Variants in CSGALNACT1 observed in about 807,000 individuals in gnomAD.
CSGALNACT1 encodes beta4GalNAcT-1.
In CSGALNACT1, 52 loss-of-function variants were observed where a neutral mutation model predicts 51.0. The ratio of observed to expected loss-of-function variants is 1.02; its 90% confidence interval spans 0.82 to 1.29. The LOEUF (loss-of-function observed/expected upper bound fraction) is 1.29, where lower values mean the gene tolerates loss of function less well. Among genes scored for constraint, CSGALNACT1 ranks in the 50% most tolerant of loss-of-function variants. The probability of loss-of-function intolerance (pLI) is 0.00; values close to 1 mark genes in which losing one functional copy is unlikely to be tolerated. For synonymous variants in CSGALNACT1, 341 were observed against 254.4 expected (o/e 1.34, Z -3.24); for missense variants, 935 against 679.2 (o/e 1.38, Z -4.19).
At chr8:19,621,502 C>T (rs2053821768) in intron 1 of CSGALNACT1, among the ~76,000 whole-genome samples, 1 of 151,946 alleles carries the variant, frequency 6.6e-6, no homozygotes, top group East Asian at 1.9e-4. Flanking sequence ...AAATAATGTC[C>T]AGGCACAGTG....
intron 1 of CSGALNACT1, among the ~76,000 whole-genome samples, chr8:19,703,609 C>G (rs2061997179): frequency 6.6e-6 from 1 of 152,194 alleles, no homozygotes; most frequent in Admixed American, 6.5e-5. Context: ...GCCCAGCCCT[C>G]TCTTTGTTTT....
chr8:19,682,670 A>G (rs1372235748), upstream of CSGALNACT1: 2 of 454,016 alleles, frequency 4.4e-6, no homozygotes, highest in South Asian at 1.6e-5. Context: ...CAAGGAAGCC[A>G]TTGACACAAG....
intron 4 of CSGALNACT1, among the ~76,000 whole-genome samples, chr8:19,470,360 G>A (rs2067840918): frequency 6.6e-6 from 1 of 152,218 alleles, no homozygotes; most frequent in Non-Finnish European, 1.5e-5. Context: ...GGGACAGTGA[G>A]CACGGAGATG....
intron 1 of CSGALNACT1, among the ~76,000 whole-genome samples, chr8:19,632,837 C>T (rs1449443896): frequency 6.6e-6 from 1 of 152,156 alleles, no homozygotes; most frequent in Non-Finnish European, 1.5e-5. Context: ...CTCACTGCAG[C>T]CTCAACCTCC....
intron 3 of CSGALNACT1, among the ~76,000 whole-genome samples, chr8:19,575,064 A>G (rs994795152): frequency 7.9e-5 from 12 of 152,084 alleles, no homozygotes; most frequent in Admixed American, 6.5e-4. Flanking sequence ...TCTCCTCTCC[A>G]TAATATGACC....
chr8:19,716,218 CA>C (rs2062799779), intron 1 of CSGALNACT1, among the ~76,000 whole-genome samples: 1 of 152,026 alleles, frequency 6.6e-6, no homozygotes, highest in Non-Finnish European at 1.5e-5. Context: ...AGGGGAGACA[CA>C]GGGGGAAAGT....
intron 1 of CSGALNACT1, among the ~76,000 whole-genome samples, chr8:19,697,217 G>A (rs957980429): frequency 6.6e-6 from 1 of 152,028 alleles, no homozygotes; most frequent in Non-Finnish European, 1.5e-5. Flanking sequence ...ACCATGAAGA[G>A]GAAAAATGGT....
At chr8:19,747,592 C>A (rs1391889822) in intron 1 of CSGALNACT1, among the ~76,000 whole-genome samples, 1 of 152,204 alleles carries the variant, frequency 6.6e-6, no homozygotes, top group Non-Finnish European at 1.5e-5. Context: ...CTCGATCCAA[C>A]AAAGTGACTA....
At chr8:19,456,138 T>C (rs533010128) in intron 5 of CSGALNACT1, among the ~76,000 whole-genome samples, 11 of 152,234 alleles carry the variant, frequency 7.2e-5, no homozygotes, top group Admixed American at 4.6e-4. Flanking sequence ...CTATTCTCAA[T>C]GAAACTTCCC....
intron 3 of CSGALNACT1, among the ~76,000 whole-genome samples, chr8:19,511,153 T>C (rs2078388690): frequency 6.6e-6 from 1 of 152,212 alleles, no homozygotes; most frequent in Non-Finnish European, 1.5e-5. Context: ...CAGCACTACA[T>C]GCTACAATGA....
intron 2 of CSGALNACT1, among the ~76,000 whole-genome samples, chr8:19,592,671 A>T (rs1432011927): frequency 1.3e-5 from 2 of 152,026 alleles, no homozygotes; most frequent in Non-Finnish European, 2.9e-5. Context: ...GGAGGATCTC[A>T]TGAGCCTGGA....
intron 4 of CSGALNACT1, among the ~76,000 whole-genome samples, chr8:19,501,875 T>C (rs1265039086): frequency 1.3e-5 from 2 of 152,204 alleles, no homozygotes; most frequent in Non-Finnish European, 2.9e-5. Flanking sequence ...TTTGATTCCA[T>C]CTCTACTCTC....
intron 4 of CSGALNACT1, among the ~76,000 whole-genome samples, chr8:19,484,821 A>C (rs2072446844): frequency 6.6e-6 from 1 of 152,184 alleles, no homozygotes. Context: ...TCCTAATCCA[A>C]TCTGACCGGT....
chr8:19,612,235 C>G (rs1159077102), intron 1 of CSGALNACT1, among the ~76,000 whole-genome samples: 4 of 151,990 alleles, frequency 2.6e-5, no homozygotes, highest in Non-Finnish European at 5.9e-5. Flanking sequence ...TCTAGCTACT[C>G]AGGTGCCTGA....
chr8:19,736,093 C>G (rs1166746160), intron 1 of CSGALNACT1, among the ~76,000 whole-genome samples: 2 of 152,150 alleles, frequency 1.3e-5, no homozygotes, highest in South Asian at 2.1e-4. Flanking sequence ...GCGATCACAA[C>G]AAACTAAAGA....
At chr8:19,733,388 G>A (rs1254637481) in intron 1 of CSGALNACT1, among the ~76,000 whole-genome samples, 1 of 152,166 alleles carries the variant, frequency 6.6e-6, no homozygotes, top group African/African-American at 2.4e-5. Flanking sequence ...GCATAAAAGA[G>A]ATTCCATTAT....
intron 3 of CSGALNACT1, among the ~76,000 whole-genome samples, chr8:19,547,072 C>T (rs2086645979): frequency 6.6e-6 from 1 of 152,130 alleles, no homozygotes; most frequent in African/African-American, 2.4e-5. Flanking sequence ...GTTTTCTATA[C>T]CCAAGAATAT....
intron 3 of CSGALNACT1, among the ~76,000 whole-genome samples, chr8:19,529,977 T>G (rs541094904): frequency 3.9e-5 from 6 of 152,130 alleles, no homozygotes; most frequent in Non-Finnish European, 7.3e-5. Flanking sequence ...TCCTAGCACT[T>G]AGGAAGGCTG....
At chr8:19,588,719 T>C (rs904724938) in intron 3 of CSGALNACT1, among the ~76,000 whole-genome samples, 2 of 152,206 alleles carry the variant, frequency 1.3e-5, no homozygotes, top group African/African-American at 4.8e-5. Flanking sequence ...TTTTGCAAGG[T>C]TGGCACTGAA....
Sources: allele counts gnomAD v4.1 joint callset (sites outside exome capture counted in the v4.1 genomes callset), GRCh38; gene constraint gnomAD v4.1.1; transcripts MANE v1.5; gene names NCBI Gene and HGNC (gene_info 2026-07-23, HGNC 2026-07-21).